The following FAM135B variants were observed in gnomAD, a reference collection of about 807,000 sequenced individuals.
FAM135B encodes family with sequence similarity 135 member B, also known as protein FAM135B.
FAM135B carries 43 observed loss-of-function variants against 127.7 expected under a neutral mutation model. That is an observed-to-expected ratio of 0.34 (90% CI 0.26 to 0.43). FAM135B has a LOEUF of 0.43. Among genes scored for constraint, FAM135B ranks in the 20% least tolerant of loss-of-function variants. The probability of loss-of-function intolerance (pLI) is 1.00; values close to 1 mark genes in which losing one functional copy is unlikely to be tolerated. For synonymous variants in FAM135B, 670 were observed against 665.1 expected (o/e 1.01, Z -0.11); for missense variants, 1,558 against 1,725.6 (o/e 0.90, Z 1.72).
chr8:138,357,962 T>C (rs1215029257), intron 2 of FAM135B, among the ~76,000 whole-genome samples: 1 of 152,104 alleles, frequency 6.6e-6, no homozygotes, highest in Admixed American at 6.6e-5. Context: ...TATGAAGAAA[T>C]ACCCAAGACT....
intron 3 of FAM135B, among the ~76,000 whole-genome samples, chr8:138,272,253 A>G (rs982958259): frequency 7.9e-5 from 12 of 152,228 alleles, no homozygotes; most frequent in Non-Finnish European, 1.8e-4. Flanking sequence ...GCATATCAGT[A>G]ACACTCAAAT....
In FAM135B at chr8:138,152,388, G is replaced by A. The variant is rs2130767603; in HGVS notation, c.2087C>T (p.Ala696Val). The A allele has an allele frequency of 1.2e-6, 2 of 1,614,210 alleles. No homozygotes were observed. Among genetic ancestry groups the A allele is most frequent in the African/African-American group, 1.3e-5 (1 of 75,052 alleles). Residue 696 changes from alanine (A) to valine (V), a missense_variant, in exon 13 of 20, where the codon GCC becomes GTC. Coordinates refer to ENST00000395297, the MANE Select transcript of FAM135B (RefSeq NM_015912.4). ...SGIESEPSSV[A>V]WSEARSRALE... ...AGCCCTGCTTCGGGCCTCTGACCAG[G>A]CGACGGAGCTTGGCTCACTCTCAAT...
At chr8:138,140,627 T>C in intron 17 of FAM135B, among the ~76,000 whole-genome samples, 1 of 144,700 alleles carries the variant, frequency 6.9e-6, no homozygotes, top group East Asian at 2.0e-4. Flanking sequence ...TTCCCCTGTG[T>C]AATCTTCAAC....
chr8:138,259,639 A>G (rs556441268), intron 4 of FAM135B, among the ~76,000 whole-genome samples: 2 of 152,262 alleles, frequency 1.3e-5, no homozygotes, highest in East Asian at 3.9e-4. Context: ...GGTCACAAAC[A>G]CAGACTTTGT....
chr8:138,213,116 A>C (rs1818267578), intron 7 of FAM135B, among the ~76,000 whole-genome samples: 1 of 152,088 alleles, frequency 6.6e-6, no homozygotes, highest in African/African-American at 2.4e-5. Flanking sequence ...TAAATTGTAA[A>C]CTCTGAGATC....
intron 10 of FAM135B, 117 bp downstream of exon 10, chr8:138,178,418 A>G: frequency 8.4e-7 from 1 of 1,191,246 alleles, no homozygotes; most frequent in Non-Finnish European, 1.2e-6. Context: ...CATGGTAGAG[A>G]CACGAAAGCA....
intron 7 of FAM135B, among the ~76,000 whole-genome samples, chr8:138,236,399 T>TACACACAC (rs35317285): frequency 2.1e-4 from 30 of 144,790 alleles, no homozygotes; most frequent in African/African-American, 6.0e-4. Flanking sequence ...CACACACACA[T>TACACACAC]ACACACACAC....
rs1415714972 is a variant in FAM135B at position 138,152,053 on chromosome 8, A to G, written c.2422T>C (p.Ser808Pro). The G allele has an allele frequency of 6.8e-6, 11 of 1,613,902 alleles. No individual in the cohort carries two copies. The East Asian group carries it at 2.5e-4, about 36-fold the overall frequency. ...CAAAGTTGAGAGCAAGATCCTGGGG[A>G]ACCTTGGCTCTTGCTGTGCATATCT... ...PSDMHSKSQG[S>P]PGSCSQLCGD... Residue 808 changes from serine to proline, a missense_variant, in exon 13 of 20, where the codon TCC becomes CCC. Transcript: ENST00000395297.
chr8:138,318,332 T>C (rs1477956124), intron 2 of FAM135B, among the ~76,000 whole-genome samples: 1 of 152,194 alleles, frequency 6.6e-6, no homozygotes, highest in Admixed American at 6.5e-5. Context: ...AAGGGTGCCT[T>C]CTCTGAACAT....
At chr8:138,450,239 A>G (rs545047920) in intron 1 of FAM135B, among the ~76,000 whole-genome samples, 8 of 152,298 alleles carry the variant, frequency 5.3e-5, no homozygotes, top group Admixed American at 4.6e-4. Context: ...TTATTTATCT[A>G]CTTAACTACT....
chr8:138,163,667 C>T (rs1819628741), intron 12 of FAM135B, among the ~76,000 whole-genome samples: 1 of 152,138 alleles, frequency 6.6e-6, no homozygotes, highest in South Asian at 2.1e-4. Flanking sequence ...TGATGCCTCC[C>T]TAGCCACGTG....
chr8:138,245,924 T>A (rs1821245342), intron 6 of FAM135B, among the ~76,000 whole-genome samples: 3 of 152,176 alleles, frequency 2.0e-5, no homozygotes, highest in Admixed American at 1.3e-4. Context: ...GATAGTGATA[T>A]GGGCAATGAA....
chr8:138,409,873 C>G (rs1277045447), intron 1 of FAM135B, among the ~76,000 whole-genome samples: 1 of 87,886 alleles, frequency 1.1e-5, no homozygotes, highest in Non-Finnish European at 2.1e-5. Flanking sequence ...GAGTAAGACT[C>G]CGTCTCAAAA....
At chr8:138,479,884 G>A (rs1209038727) in intron 1 of FAM135B, among the ~76,000 whole-genome samples, 1 of 152,156 alleles carries the variant, frequency 6.6e-6, no homozygotes, top group African/African-American at 2.4e-5. Context: ...AAAACCAAAT[G>A]ATATCCCTGT....
At chr8:138,436,587 A>G (rs1231445603) in intron 1 of FAM135B, among the ~76,000 whole-genome samples, 1 of 152,232 alleles carries the variant, frequency 6.6e-6, no homozygotes, top group African/African-American at 2.4e-5. Context: ...ACTCTAAGGC[A>G]TCAGTTTGCA....
chr8:138,151,859 A>G lies in FAM135B; in HGVS notation c.2616T>C (p.Gly872=), dbSNP rs1166404241. The G allele has an allele frequency of 1.2e-6, 2 of 1,613,998 alleles. No homozygotes were observed. Among genetic ancestry groups the G allele is most frequent in the Middle Eastern group, 1.6e-4 (1 of 6,062 alleles). Residue 872 remains glycine (G), a synonymous_variant, in exon 13 of 20, where the codon GGT becomes GGC. Coordinates refer to ENST00000395297, the MANE Select transcript of FAM135B (RefSeq NM_015912.4). ...TTAAATTAAGACCTTTGGTTTCAAC[A>G]CCTGGAGTGTTCTCAGTCCTGCCAT... The part of the protein sequence containing the change: ...LPDGRTENTP[G]VETKGLNLKI...
At chr8:138,427,913 A>C (rs532024422) in intron 1 of FAM135B, among the ~76,000 whole-genome samples, 1 of 152,246 alleles carries the variant, frequency 6.6e-6, no homozygotes, top group African/African-American at 2.4e-5. Flanking sequence ...CTCAAGCCAG[A>C]TGGTTCCATC....
At chr8:138,350,497 A>AACACACACACACACACACAC (rs59686476) in intron 2 of FAM135B, among the ~76,000 whole-genome samples, 2 of 148,060 alleles carry the variant, frequency 1.4e-5, no homozygotes, top group African/African-American at 4.9e-5. Flanking sequence ...GGTTTTCTAC[A>AACACACACACACACACACAC]ACACACACAC....
intron 7 of FAM135B, among the ~76,000 whole-genome samples, chr8:138,237,150 A>ATTTTTTTTTTTT (rs10604150): frequency 6.9e-5 from 7 of 101,320 alleles, no homozygotes; most frequent in African/African-American, 1.7e-4. Context: ...TGGATCCTTG[A>ATTTTTTTTTTTT]TTTTTTTTTT....
Sources: allele counts gnomAD v4.1 joint callset (sites outside exome capture counted in the v4.1 genomes callset), GRCh38; gene constraint gnomAD v4.1.1; transcripts MANE v1.5; gene names NCBI Gene and HGNC (gene_info 2026-07-23, HGNC 2026-07-21).